The following KCTD18 variants were observed in gnomAD, a reference collection of about 807,000 sequenced individuals.
KCTD18 encodes potassium channel tetramerization domain containing 18, also known as BTB/POZ domain-containing protein KCTD18.
A neutral mutation model predicts 30.4 loss-of-function variants in KCTD18; 22 were observed. The observed-to-expected ratio is 0.72, with a 90% CI of 0.52 to 1.03. The LOEUF (loss-of-function observed/expected upper bound fraction) is 1.03, where lower values mean the gene tolerates loss of function less well. Ranked by LOEUF, KCTD18 falls within the 50% of genes least tolerant of loss-of-function variation. The pLI, the probability that KCTD18 is intolerant of heterozygous loss-of-function variation, is 0.00. For synonymous variants in KCTD18, 186 were observed against 209.0 expected, an observed-to-expected ratio of 0.89 and a Z score of 0.95; for missense variants, 529 against 547.6, an observed-to-expected ratio of 0.97 and a Z score of 0.34.
Position 200,497,809 on chromosome 2 carries a change from T to A in KCTD18, c.605A>T (p.Tyr202Phe). 2 of 1,612,640 alleles carry A rather than the reference T, an allele frequency of 1.2e-6. No individual in the cohort carries two copies. Among genetic ancestry groups the A allele is most frequent in the Middle Eastern group, 1.7e-4 (1 of 6,058 alleles). ...GNNVQYIWSYYSVAELKKMMD... is the reference protein window; with the variant it reads ...GNNVQYIWSYFSVAELKKMMD... ...CATTTTCTTCAACTCTGCTACTGAA[T>A]AATAGCTCCAAATGTACTGAACATT... Residue 202 changes from tyrosine (Y) to phenylalanine (F), a missense_variant, in exon 5 of 7, where the codon TAT (tyrosine) becomes TTT (phenylalanine). Tyr to Phe is a conservative substitution (Grantham distance 22, BLOSUM62 3). Transcript: ENST00000359878.
intron 5 of KCTD18, 47 bp from the exon 6 acceptor site, chr2:200,493,321 A>C (rs2087950684): frequency 3.7e-6 from 4 of 1,085,352 alleles, no homozygotes; most frequent in Admixed American, 1.7e-5. Flanking sequence ...TCCACTGCAA[A>C]ATGCTGAGCA....
chr2:200,492,503 C>T (rs1408063380), intron 6 of KCTD18, among the ~76,000 whole-genome samples: 3 of 152,160 alleles, frequency 2.0e-5, no homozygotes, highest in Non-Finnish European at 4.4e-5. Context: ...ACTGAATAAG[C>T]ATCTCCGCAT....
chr2:200,507,188 C>G (rs1366386702), intron 1 of KCTD18, 97 bp from the exon 2 acceptor site: 1 of 445,648 alleles, frequency 2.2e-6, no homozygotes, highest in Non-Finnish European at 3.9e-6. Flanking sequence ...ATAAATTCCT[C>G]AGTACTGGCA....
intron 5 of KCTD18, chr2:200,497,391 C>G (rs1383162666): frequency 1.2e-5 from 2 of 171,754 alleles, no homozygotes; most frequent in East Asian, 3.3e-4. Context: ...TATAAGGGCT[C>G]TTTAGACATC....
chr2:200,502,309 GAAAA>G (rs1402730760), intron 3 of KCTD18, among the ~76,000 whole-genome samples: 1 of 149,968 alleles, frequency 6.7e-6, no homozygotes, highest in Non-Finnish European at 1.5e-5. Flanking sequence ...TTAAAAAAAA[GAAAA>G]AAAAAGAAAT....
chr2:200,503,662 T>C (rs1436476056), intron 3 of KCTD18, among the ~76,000 whole-genome samples: 3 of 152,312 alleles, frequency 2.0e-5, no homozygotes, highest in Admixed American at 6.5e-5. Context: ...TATGAATAAC[T>C]TCAGTAGCAG....
intron 2 of KCTD18, among the ~76,000 whole-genome samples, chr2:200,506,041 G>C (rs1217395109): frequency 6.6e-6 from 1 of 151,948 alleles, no homozygotes; most frequent in Non-Finnish European, 1.5e-5. Context: ...AGCCACTGGT[G>C]ATTTTTTTTC....
chr2:200,496,206 G>A (rs1428979791), intron 5 of KCTD18: 1 of 153,020 alleles, frequency 6.5e-6, no homozygotes, highest in Non-Finnish European at 1.5e-5. Context: ...GTGAGTCACC[G>A]TGCCCAGCCC....
chr2:200,494,961 T>C (rs576193572), intron 5 of KCTD18, among the ~76,000 whole-genome samples: 1 of 152,368 alleles, frequency 6.6e-6, no homozygotes, highest in East Asian at 1.9e-4. Context: ...GATTCATCCA[T>C]GTTGCTGTAT....
chr2:200,507,447 G>A (rs1284721621), intron 1 of KCTD18, among the ~76,000 whole-genome samples: 1 of 152,176 alleles, frequency 6.6e-6, no homozygotes, highest in Non-Finnish European at 1.5e-5. Context: ...CCTCTAGACT[G>A]CAGAGATCAG....
Position 200,490,096 on chromosome 2 carries a change from T to A in KCTD18, c.*4A>T. 6.4e-7 allele frequency: 1 copy of A among 1,552,066 alleles called. No homozygotes were observed. The highest frequency in any genetic ancestry group is 1.7e-4 in the Middle Eastern group (1 of 5,762). Reference sequence around the variant, plus strand: ...AACGGGAAATTTCAAGTCCACCACTTTCATCAATTTCCCTTGTTCTTCCCG... The same window carrying A: ...AACGGGAAATTTCAAGTCCACCACTATCATCAATTTCCCTTGTTCTTCCCG... On this transcript the variant is annotated 3_prime_UTR_variant, in exon 7 of 7. Coordinates refer to ENST00000359878, the MANE Select transcript of KCTD18 (RefSeq NM_152387.4).
rs774750730 is a variant in KCTD18, at chr2:200,506,974, G to A, written c.43C>T (p.Arg15Ter). ...TAAATACAGCCACCCACGTTCAGTC[G>A]GAGAACATCTAGCACCTCTTCTTCT... ...KAEEEVLDVL[R>*]LNVGGCIYTA... Residue 15 changes from arginine (R) to a stop codon, truncating the protein, a stop_gained, in exon 2 of 7, where the codon CGA (arginine) becomes TGA (stop). Coordinates refer to ENST00000359878, the MANE Select transcript of KCTD18 (RefSeq NM_152387.4). LOFTEE classifies it high-confidence loss of function. The A allele has an allele frequency of 5.0e-6, 8 of 1,613,628 alleles. No individual in the cohort carries two copies. In the African/African-American group the frequency reaches 5.3e-5, roughly 11 times the overall value.
chr2:200,500,082 C>G (rs895087283), intron 3 of KCTD18, among the ~76,000 whole-genome samples: 1 of 151,620 alleles, frequency 6.6e-6, no homozygotes, highest in Non-Finnish European at 1.5e-5. Context: ...ATTCAACAAC[C>G]CTTCCTGCTA....
intron 1 of KCTD18, among the ~76,000 whole-genome samples, chr2:200,509,185 A>C (rs1331042885): frequency 2.0e-5 from 3 of 152,144 alleles, no homozygotes; most frequent in African/African-American, 7.2e-5. Context: ...CTGTTGACAG[A>C]TGAGGCCATT....
chr2:200,504,291 C>A (rs74352720), intron 3 of KCTD18, among the ~76,000 whole-genome samples: 1 of 152,034 alleles, frequency 6.6e-6, no homozygotes, highest in South Asian at 2.1e-4. Flanking sequence ...ACCCCCGTCT[C>A]TACTAAAAAT....
Position 200,506,996 on chromosome 2 carries a change from T to A in KCTD18, c.21A>T (p.Glu7Asp). 1 of 1,611,620 alleles carries A rather than the reference T, an allele frequency of 6.2e-7. No homozygotes were observed. Among genetic ancestry groups the A allele is most frequent in the African/African-American group, 1.3e-5 (1 of 74,990 alleles). Residue 7 changes from glutamate (E) to aspartate (D), a missense_variant, in exon 2 of 7, where the codon GAA becomes GAT. Transcript: ENST00000359878. MEGHKA[E>D]EEVLDVLRLN... ...GTCGGAGAACATCTAGCACCTCTTCTTCTGCCTTGTGGCCTTCCATTTCTC... is the reference window on the plus strand; with the variant it reads ...GTCGGAGAACATCTAGCACCTCTTCATCTGCCTTGTGGCCTTCCATTTCTC...
chr2:200,507,552 A>C (rs886388495), intron 1 of KCTD18, among the ~76,000 whole-genome samples: 3 of 152,252 alleles, frequency 2.0e-5, no homozygotes, highest in Non-Finnish European at 4.4e-5. Context: ...AAATGGAGGC[A>C]GTGATGATGC....
At chr2:200,505,359 T>G (rs1000241605) in intron 2 of KCTD18, among the ~76,000 whole-genome samples, 2 of 152,164 alleles carry the variant, frequency 1.3e-5, no homozygotes, top group Non-Finnish European at 2.9e-5. Flanking sequence ...AAACCCACAC[T>G]CTGCTCACCA....
intron 5 of KCTD18, chr2:200,496,295 T>C (rs1228793533): frequency 6.6e-6 from 1 of 152,142 alleles, no homozygotes; most frequent in Non-Finnish European, 1.5e-5. Flanking sequence ...GAGAACACCA[T>C]GGAGTTTGTT....
Sources: gnomAD v4.1 joint callset for allele counts (sites outside exome capture counted in the v4.1 genomes callset) on GRCh38, gnomAD v4.1.1 for gene constraint, MANE v1.5 for transcripts, NCBI Gene and HGNC (gene_info 2026-07-23, HGNC 2026-07-21) for gene names.